Variants in USP34 observed in about 807,000 individuals in gnomAD.
USP34 encodes the protein ubiquitin specific peptidase 34, also known as ubiquitin carboxyl-terminal hydrolase 34.
In USP34, 70 loss-of-function variants were observed where a neutral mutation model predicts 460.3. The observed-to-expected ratio is 0.15, with a 90% confidence interval of 0.13 to 0.19. The LOEUF is 0.19. Ranked by LOEUF, USP34 falls within the 10% of genes least tolerant of loss-of-function variation. The probability of loss-of-function intolerance (pLI) is 1.00; values close to 1 mark genes in which losing one functional copy is unlikely to be tolerated. For missense variants in USP34, 3,985 were observed against 4,236.2 expected (o/e 0.94, Z 1.65); for synonymous variants, 1,647 against 1,405.3 (o/e 1.17, Z -3.85).
chr2:61,224,436 T>C (rs1011630052), intron 62 of USP34, among the ~76,000 whole-genome samples: 2 of 152,230 alleles, frequency 1.3e-5, no homozygotes, highest in African/African-American at 2.4e-5. Flanking sequence ...AGGCACACAA[T>C]GAAGGGTTAG....
At chr2:61,230,844 C>A (rs865875054) in intron 58 of USP34, among the ~76,000 whole-genome samples, 336 of 124,404 alleles carry the variant, frequency 2.7e-3, no homozygotes, top group Admixed American at 3.9e-3. Context: ...AACTCCGTCT[C>A]AAAAAAAAAA....
chr2:61,395,954 G>A (rs1229291709), intron 3 of USP34, among the ~76,000 whole-genome samples: 5 of 151,790 alleles, frequency 3.3e-5, no homozygotes, highest in African/African-American at 9.7e-5. Flanking sequence ...ATACTCAGGA[G>A]GCTGAGGCAT....
intron 34 of USP34, among the ~76,000 whole-genome samples, chr2:61,285,883 G>C (rs1356406118): frequency 1.3e-5 from 2 of 152,084 alleles, no homozygotes; most frequent in African/African-American, 4.8e-5. Flanking sequence ...CCTCATATAA[G>C]GGGAGAAAAT....
chr2:61,295,596 ACTT>A (rs1690000856), intron 30 of USP34, among the ~76,000 whole-genome samples: 1 of 152,234 alleles, frequency 6.6e-6, no homozygotes, highest in Non-Finnish European at 1.5e-5. Context: ...GAGTGGGTAA[ACTT>A]CTAAAGATGG....
chr2:61,373,722 T>A (rs1457802454), intron 8 of USP34, among the ~76,000 whole-genome samples: 3 of 152,014 alleles, frequency 2.0e-5, no homozygotes, highest in Non-Finnish European at 4.4e-5. Flanking sequence ...TTCTACAGAG[T>A]CACTGCAAAC....
At chr2:61,467,527 A>G (rs1291598102) in intron 1 of USP34, among the ~76,000 whole-genome samples, 1 of 150,672 alleles carries the variant, frequency 6.6e-6, no homozygotes, top group East Asian at 2.0e-4. Context: ...AATATGCACA[A>G]TTTTATTGCT....
chr2:61,429,584 A>G (rs1034440313), intron 1 of USP34, among the ~76,000 whole-genome samples: 7 of 152,136 alleles, frequency 4.6e-5, no homozygotes, highest in Non-Finnish European at 5.9e-5. Flanking sequence ...CTATAATGGC[A>G]CCACATGACA....
intron 3 of USP34, among the ~76,000 whole-genome samples, chr2:61,405,232 C>CAAA (rs199659618): frequency 3.4e-3 from 267 of 77,934 alleles, no homozygotes; most frequent in Middle Eastern, 9.1e-3. Context: ...GACTCCATCT[C>CAAA]AAAAAAAAAA....
chr2:61,436,777 A>G (rs1694825197), intron 1 of USP34, among the ~76,000 whole-genome samples: 1 of 152,246 alleles, frequency 6.6e-6, no homozygotes, highest in Admixed American at 6.5e-5. Flanking sequence ...AGAATTGACC[A>G]TATTTTAGGA....
chr2:61,426,451 G>C (rs146677419), intron 1 of USP34, among the ~76,000 whole-genome samples: 2,659 of 152,294 alleles, frequency 0.017, 37 homozygotes, highest in Middle Eastern at 0.044. Flanking sequence ...ACATCGGTGA[G>C]TCTGGCAGTA....
intron 5 of USP34, among the ~76,000 whole-genome samples, chr2:61,393,096 T>G (rs971506286): frequency 6.6e-6 from 1 of 152,158 alleles, no homozygotes; most frequent in African/African-American, 2.4e-5. Context: ...TCCTCTAAAG[T>G]AGATGGATAT....
intron 1 of USP34, among the ~76,000 whole-genome samples, chr2:61,428,739 A>T (rs1293891869): frequency 2.6e-5 from 4 of 152,256 alleles, no homozygotes; most frequent in African/African-American, 9.6e-5. Context: ...GAAAGAGGGG[A>T]ACCTAGAAAT....
chr2:61,349,124 T>G, intron 13 of USP34, 126 bp downstream of exon 13: 2 of 1,218,916 alleles, frequency 1.6e-6, no homozygotes, highest in Non-Finnish European at 2.3e-6. Context: ...ATGTTAAAGG[T>G]TTACATCTCC....
intron 2 of USP34, among the ~76,000 whole-genome samples, chr2:61,416,630 A>C (rs1473035015): frequency 6.6e-6 from 1 of 152,238 alleles, no homozygotes; most frequent in Non-Finnish European, 1.5e-5. Flanking sequence ...TGCTTGTCAT[A>C]CATGATATTC....
In USP34 at chr2:61,211,822, A is replaced by C. The variant is rs368582214; in HGVS notation, c.8790T>G (p.Ser2930Arg). 1 of 1,605,612 alleles carries C rather than the reference A, an allele frequency of 6.2e-7. No homozygotes were observed. Among genetic ancestry groups the C allele is most frequent in the Non-Finnish European group, 8.5e-7 (1 of 1,177,328 alleles). The change falls in exon 69 of 80, where the codon AGT (serine) becomes AGG (arginine). Residue 2930 changes from serine to arginine, a missense_variant. Around this residue, in one of 14 missense-constraint regions of USP34, gnomAD observed 275 missense variants for 292.7 expected, o/e 0.94. Coordinates refer to ENST00000398571, the MANE Select transcript of USP34 (RefSeq NM_014709.4). Reference protein sequence around the residue: ...DIKQFKKTTISCYLRCLDGRS... With the variant: ...DIKQFKKTTIRCYLRCLDGRS... ...GGCCATCTAAGCAACGTAAGTAACAACTTATGGTTGTTTTCTTGAACTGTT... is the reference window on the plus strand; with the variant it reads ...GGCCATCTAAGCAACGTAAGTAACACCTTATGGTTGTTTTCTTGAACTGTT...
At chr2:61,349,007 T>C (rs1419577700) in intron 13 of USP34, 121 bp from the exon 14 acceptor site, 1 of 1,174,708 alleles carries the variant, frequency 8.5e-7, no homozygotes. Flanking sequence ...TAGCCAAAAA[T>C]AAAATCTCTA....
chr2:61,282,957 T>C (rs568633376), intron 37 of USP34, among the ~76,000 whole-genome samples, 188 bp downstream of exon 37: 2 of 152,270 alleles, frequency 1.3e-5, no homozygotes, highest in South Asian at 2.1e-4. Context: ...CTACATAATA[T>C]ATAATAGTCA....
intron 67 of USP34, among the ~76,000 whole-genome samples, chr2:61,219,773 T>A (rs1274304375): frequency 6.6e-6 from 1 of 152,162 alleles, no homozygotes; most frequent in Non-Finnish European, 1.5e-5. Flanking sequence ...TAGAAAATGT[T>A]TATAATAAGA....
At chr2:61,292,877 C>T (rs1022000870) in intron 33 of USP34, among the ~76,000 whole-genome samples, 1 of 151,732 alleles carries the variant, frequency 6.6e-6, no homozygotes, top group Non-Finnish European at 1.5e-5. Context: ...GTAAAGTTAA[C>T]ATTTTTTAAA....
Sources: allele counts gnomAD v4.1 joint callset (sites outside exome capture counted in the v4.1 genomes callset), GRCh38; gene constraint gnomAD v4.1.1; regional missense constraint gnomAD v4.1.1; transcripts MANE v1.5; gene names NCBI Gene and HGNC (gene_info 2026-07-23, HGNC 2026-07-21).